DOCK9: variants seen among roughly 807,000 people sequenced by gnomAD.
The protein encoded by DOCK9 is dedicator of cytokinesis 9, also known as dedicator of cytokinesis protein 9.
DOCK9 carries 89 observed loss-of-function variants against 263.3 expected under a neutral mutation model. That is an observed-to-expected ratio of 0.34 (90% CI 0.28 to 0.40). The LOEUF (loss-of-function observed/expected upper bound fraction) is 0.40. Among genes scored for constraint, DOCK9 ranks in the 10% least tolerant of loss-of-function variants. The probability of loss-of-function intolerance (pLI) is 1.00; values close to 1 mark genes in which losing one functional copy is unlikely to be tolerated. For synonymous variants in DOCK9, 976 were observed against 973.1 expected (o/e 1.00, Z -0.06); for missense variants, 2,140 against 2,603.4 (o/e 0.82, Z 3.87).
chr13:98,886,754 C>G, intron 18 of DOCK9, 130 bp from the exon 19 acceptor site: 1 of 810,632 alleles, frequency 1.2e-6, no homozygotes. Context: ...GGGCCCCAGG[C>G]CTGTGAGCCC....
Position 98,983,212 on chromosome 13 carries a change from G to A in DOCK9, c.130-27661C>T, listed in dbSNP as rs1877630543. Among the ~76,000 whole-genome samples the A allele has an allele frequency of 2.6e-5, 4 of 152,066 alleles. No individual in the cohort carries two copies. In the South Asian group the frequency reaches 8.3e-4, roughly 32 times the overall value. On this transcript the variant is annotated intron_variant, in intron 1 of 32. Transcript: ENST00000427887. ...CCAAAGTTATCATTCCTTTTCTCTT[G>A]TTCTGGGGAAGTAGAAACAATAAGT...
chr13:98,831,362 G>A lies in DOCK9; in HGVS notation c.4621C>T (p.Arg1541Trp), dbSNP rs747146715. 37 of 1,603,590 alleles carry A rather than the reference G, an allele frequency of 2.3e-5. No homozygotes were observed. Among genetic ancestry groups the A allele is most frequent in the Non-Finnish European group, 2.9e-5 (34 of 1,174,780 alleles). The change falls in exon 41 of 53, where the codon CGG becomes TGG. Residue 1541 changes from arginine to tryptophan, a missense_variant. Physicochemically the swap from Arg to Trp is moderately radical, Grantham distance 101. This residue lies in a region of DOCK9 where 619 missense variants were observed against 861.8 expected (regional missense o/e 0.72). Transcript: ENST00000682017. ...ACCACACGCACTTGCAAATGTGTCC[G>A]GACAAAGGACTTCTTTCCAGTGTAA... ...FDYTGKKSFV[R>W]THLQVIISVS...
chr13:98,925,724 C>A (rs2052831001), intron 4 of DOCK9, 113 bp downstream of exon 4: 1 of 666,856 alleles, frequency 1.5e-6, no homozygotes, highest in Admixed American at 3.3e-5. Context: ...TACACATAAA[C>A]CATCTAAAAA....
rs547292020 is a variant in DOCK9 at position 99,080,136 on chromosome 13, T to C, written c.129+6087A>G. ...TCTTTTATTTTACAAATAACTCTTATATTTCACTATAATTTATTTCAGTAT... is the reference window on the plus strand; with the variant it reads ...TCTTTTATTTTACAAATAACTCTTACATTTCACTATAATTTATTTCAGTAT... On this transcript the variant is annotated intron_variant, in intron 1 of 32. Transcript: ENST00000427887. 2.7e-4 allele frequency among the ~76,000 whole-genome samples: 41 copies of C among 152,358 alleles called. 1 individual carries two copies. The highest frequency in any genetic ancestry group is 9.1e-4 in the African/African-American group (38 of 41,580).
chr13:98,903,443 A>G (rs9554536), intron 10 of DOCK9, among the ~76,000 whole-genome samples: 26,027 of 151,700 alleles, frequency 0.17, 3,118 homozygotes, highest in East Asian at 0.43. Flanking sequence ...AATACAAAAA[A>G]ATTAGCCAGG....
chr13:98,904,355 T>G (rs1390646194), intron 10 of DOCK9, among the ~76,000 whole-genome samples: 9 of 152,242 alleles, frequency 5.9e-5, no homozygotes, highest in Non-Finnish European at 1.2e-4. Context: ...TGATGGTTAT[T>G]TTAACAGGTA....
Position 98,829,233 on chromosome 13 carries a change from A to C in DOCK9, c.4965+74T>G. 1 of 1,378,898 alleles carries C rather than the reference A, an allele frequency of 7.3e-7. No homozygotes were observed. The highest frequency in any genetic ancestry group is 9.9e-7 in the Non-Finnish European group (1 of 1,013,238). 85.4% of individuals were successfully genotyped at this position (1,378,898 alleles called of 1,614,324 possible). Reference sequence around the variant, plus strand: ...TGATTAATGGAATAACTTTTCTCAAAACTGGCTTTTTAAGTGAATGGGGCC... The same window carrying C: ...TGATTAATGGAATAACTTTTCTCAACACTGGCTTTTTAAGTGAATGGGGCC... On this transcript the variant is annotated intron_variant, in intron 43 of 52. Coordinates refer to ENST00000682017, the MANE Select transcript of DOCK9 (RefSeq NM_001366683.2). The surrounding 1 kb of genome is among the most constrained non-coding windows in gnomAD (Gnocchi z 4.1).
intron 14 of DOCK9, 87 bp downstream of exon 14, chr13:98,898,092 G>T: frequency 1.1e-6 from 1 of 908,422 alleles, no homozygotes; most frequent in Non-Finnish European, 1.7e-6. Context: ...AATCCTCTTT[G>T]TCTCTGAACA....
At chr13:98,943,779 T>C (rs2056310905) in intron 2 of DOCK9, among the ~76,000 whole-genome samples, 1 of 152,216 alleles carries the variant, frequency 6.6e-6, no homozygotes, top group South Asian at 2.1e-4. Flanking sequence ...TCTAGTCTCA[T>C]GGAGGCTTTA....
intron 1 of DOCK9, among the ~76,000 whole-genome samples, chr13:98,983,669 T>G (rs188637082): frequency 6.6e-6 from 1 of 150,986 alleles, no homozygotes; most frequent in Admixed American, 6.6e-5. Context: ...CAGGCTGGAG[T>G]GCAGTGGCAT....
At chr13:98,958,411 T>C (rs2058301295) in intron 1 of DOCK9, among the ~76,000 whole-genome samples, 1 of 152,238 alleles carries the variant, frequency 6.6e-6, no homozygotes, top group African/African-American at 2.4e-5. Context: ...GGTGAGAGGC[T>C]CTTCCCAGTT....
intron 50 of DOCK9, among the ~76,000 whole-genome samples, chr13:98,798,968 G>A (rs1343144953): frequency 1.3e-5 from 2 of 152,188 alleles, no homozygotes; most frequent in African/African-American, 2.4e-5. Context: ...CTTTCCATAG[G>A]GGCTGGATGT....
In DOCK9 at chr13:98,831,388, T is replaced by C. The variant is rs1424174294; in HGVS notation, c.4595A>G (p.Asp1532Gly). 1 of 1,604,872 alleles carries C rather than the reference T, an allele frequency of 6.2e-7. No individual in the cohort carries two copies. The highest frequency in any genetic ancestry group is 1.7e-5 in the Admixed American group (1 of 58,962). ...GACAAAGGACTTCTTTCCAGTGTAA[T>C]CAAAGTTGTTCCTCATCAGGAAGTA... ...LLYFLMRNNF[D>G]YTGKKSFVRT... Residue 1532 changes from aspartate to glycine, a missense_variant, in exon 41 of 53, where the codon GAT (aspartate) becomes GGT (glycine). Around this residue, in one of 2 missense-constraint regions of DOCK9, gnomAD observed 619 missense variants for 861.8 expected, o/e 0.72. Transcript: ENST00000682017.
At chr13:98,908,454 G>GA (rs914043071) in intron 9 of DOCK9, among the ~76,000 whole-genome samples, 114 of 149,908 alleles carry the variant, frequency 7.6e-4, no homozygotes, top group African/African-American at 2.2e-3. Flanking sequence ...GCTAAAAACT[G>GA]AAAAAAAAAC....
intron 1 of DOCK9, among the ~76,000 whole-genome samples, chr13:98,975,237 G>T (rs1369645486): frequency 6.6e-6 from 1 of 151,876 alleles, no homozygotes; most frequent in Non-Finnish European, 1.5e-5. Context: ...AAATTAGCTG[G>T]GCATGGTGGC....
At chr13:98,949,674 C>T in intron 2 of DOCK9, 1 of 185,478 alleles carries the variant, frequency 5.4e-6, no homozygotes, top group South Asian at 1.1e-4. Flanking sequence ...CAAAAAAACC[C>T]AAAACACACG....
In DOCK9 at chr13:98,829,851, G is replaced by T; in HGVS notation, c.4636-95C>A. ...CAGTTAGGATGTGCCTAAGGACCCA[G>T]CAAAGTGGGGGTTGGGGGGTGCTTT... On this transcript the variant is annotated intron_variant, in intron 41 of 52. Transcript: ENST00000682017. This position sits in a 1 kb window ranked among gnomAD's most constrained non-coding sequence, Gnocchi z 4.1. 9.5e-7 allele frequency: 1 copy of T among 1,053,472 alleles called. No individual in the cohort carries two copies. The highest frequency in any genetic ancestry group is 1.4e-6 in the Non-Finnish European group (1 of 701,660). The allele number at this position is 1,053,472 out of a possible 1,614,324, so 65.3% of individuals were successfully genotyped here. A position where few individuals can be genotyped will look rare whatever the true frequency, so the allele number is the denominator to read the frequency against.
intron 1 of DOCK9, among the ~76,000 whole-genome samples, chr13:99,018,316 T>A (rs1266614134): frequency 6.6e-6 from 1 of 152,222 alleles, no homozygotes; most frequent in Non-Finnish European, 1.5e-5. Context: ...TCTCTCTCAC[T>A]CTTGCATGTT....
At chr13:99,056,793 G>GC (rs1184081689) in intron 1 of DOCK9, among the ~76,000 whole-genome samples, 1 of 152,124 alleles carries the variant, frequency 6.6e-6, no homozygotes, top group Non-Finnish European at 1.5e-5. Flanking sequence ...CTGATGCAAG[G>GC]CCCCCCAGGA....
Sources: allele counts gnomAD v4.1 joint callset (sites outside exome capture counted in the v4.1 genomes callset), GRCh38; gene constraint gnomAD v4.1.1; regional missense constraint gnomAD v4.1.1; non-coding constraint Gnocchi (gnomAD v3.1); transcripts MANE v1.5; gene names NCBI Gene and HGNC (gene_info 2026-07-23, HGNC 2026-07-21).